Variants in ARHGAP24 observed in about 807,000 individuals in gnomAD.
ARHGAP24 encodes the protein Rho GTPase activating protein 24, also known as rho GTPase-activating protein 24.
In ARHGAP24, 50 loss-of-function variants were observed where a neutral mutation model predicts 76.4. The observed-to-expected ratio is 0.65, with a 90% CI of 0.52 to 0.83. ARHGAP24 has a LOEUF of 0.83. Ranked by LOEUF, ARHGAP24 falls within the 40% of genes least tolerant of loss-of-function variation. The pLI is 0.00. For synonymous variants in ARHGAP24, 345 were observed against 323.3 expected, an observed-to-expected ratio of 1.07 and a Z score of -0.72; for missense variants, 930 against 914.2, an observed-to-expected ratio of 1.02 and a Z score of -0.22.
chr4:85,605,523 A>G (rs1407354738), intron 2 of ARHGAP24, among the ~76,000 whole-genome samples: 1 of 152,180 alleles, frequency 6.6e-6, no homozygotes, highest in Non-Finnish European at 1.5e-5. Context: ...GGAATGATTA[A>G]ATAGATTATC....
intron 8 of ARHGAP24, chr4:85,991,871 A>G (rs1740350244): frequency 3.0e-6 from 1 of 335,580 alleles, no homozygotes; most frequent in South Asian, 1.5e-4. Context: ...ACAAATTGAA[A>G]CTATATTGCA....
At chr4:85,683,227 A>G (rs1427514730) in intron 2 of ARHGAP24, among the ~76,000 whole-genome samples, 6 of 151,788 alleles carry the variant, frequency 4.0e-5, no homozygotes, top group Non-Finnish European at 7.4e-5. Context: ...TTTGTTGAGG[A>G]GCATGGTAGG....
intron 1 of ARHGAP24, among the ~76,000 whole-genome samples, chr4:85,511,828 G>A (rs768582200): frequency 7.9e-5 from 12 of 152,270 alleles, no homozygotes; most frequent in Middle Eastern, 3.4e-3. Flanking sequence ...GGAGGGCCAC[G>A]CTCCCTCTGA....
intron 8 of ARHGAP24, chr4:85,991,731 T>A (rs1054126755): frequency 1.3e-5 from 2 of 157,188 alleles, no homozygotes; most frequent in African/African-American, 4.8e-5. Flanking sequence ...GGCATAAGTG[T>A]CACTTTTCTA....
At chr4:85,509,167 G>A (rs1172318918) in intron 1 of ARHGAP24, among the ~76,000 whole-genome samples, 1 of 142,566 alleles carries the variant, frequency 7.0e-6, no homozygotes, top group Non-Finnish European at 1.5e-5. Context: ...AACACAGGAA[G>A]GGGAACATCA....
chr4:85,556,614 T>G (rs1726382208), intron 1 of ARHGAP24, among the ~76,000 whole-genome samples: 1 of 152,124 alleles, frequency 6.6e-6, no homozygotes. Flanking sequence ...ACTAAAGTGT[T>G]CAGGTGGGGG....
intron 3 of ARHGAP24, among the ~76,000 whole-genome samples, chr4:85,780,179 G>T (rs3028238): frequency 0.75 from 104,890 of 139,640 alleles, 37,154 homozygotes; most frequent in East Asian, 0.97. Context: ...TTATTTTTTA[G>T]TTTTATTTTT....
intron 3 of ARHGAP24, among the ~76,000 whole-genome samples, chr4:85,750,804 A>G (rs146679091): frequency 2.0e-4 from 31 of 152,092 alleles, no homozygotes; most frequent in African/African-American, 7.2e-4. Context: ...GGCACCATTC[A>G]TTCCTTTCTA....
chr4:85,962,212 A>G (rs1245843487), intron 5 of ARHGAP24, among the ~76,000 whole-genome samples: 1 of 152,104 alleles, frequency 6.6e-6, no homozygotes, highest in Non-Finnish European at 1.5e-5. Context: ...AGACATGAAA[A>G]TTGGAACAGC....
At chr4:85,520,949 T>A (rs560799690) in intron 1 of ARHGAP24, among the ~76,000 whole-genome samples, 45 of 152,242 alleles carry the variant, frequency 3.0e-4, no homozygotes, top group Non-Finnish European at 4.3e-4. Context: ...CAGAGGGGGA[T>A]GTGAGAGCAG....
At chr4:85,678,394 G>A (rs1410012227) in intron 2 of ARHGAP24, among the ~76,000 whole-genome samples, 1 of 151,996 alleles carries the variant, frequency 6.6e-6, no homozygotes. Context: ...AAGCAAAAGG[G>A]CTATTTTCTT....
At chr4:85,927,983 C>G (rs769328141) in intron 4 of ARHGAP24, among the ~76,000 whole-genome samples, 7 of 152,060 alleles carry the variant, frequency 4.6e-5, no homozygotes, top group Non-Finnish European at 1.0e-4. Context: ...AATGATAGGC[C>G]TTTCCTTCAA....
intron 5 of ARHGAP24, among the ~76,000 whole-genome samples, chr4:85,946,080 A>C (rs961261988): frequency 4.6e-5 from 7 of 152,076 alleles, no homozygotes; most frequent in African/African-American, 1.7e-4. Context: ...ATGCAGGGAA[A>C]ACTCTTGCTT....
At chr4:85,627,919 A>G (rs1364309030) in intron 2 of ARHGAP24, among the ~76,000 whole-genome samples, 2 of 152,014 alleles carry the variant, frequency 1.3e-5, no homozygotes, top group Non-Finnish European at 2.9e-5. Context: ...TTTTAAGCCC[A>G]TTGGAAAAGC....
At chr4:85,818,259 G>A (rs1729326615) in intron 3 of ARHGAP24, among the ~76,000 whole-genome samples, 1 of 152,144 alleles carries the variant, frequency 6.6e-6, no homozygotes, top group Non-Finnish European at 1.5e-5. Flanking sequence ...TAGACCAGAG[G>A]TTCTCAAGGA....
At chr4:85,654,768 T>G (rs1464071412) in intron 2 of ARHGAP24, among the ~76,000 whole-genome samples, 1 of 152,218 alleles carries the variant, frequency 6.6e-6, no homozygotes, top group Non-Finnish European at 1.5e-5. Flanking sequence ...TACTAACATT[T>G]TTACAAGTGA....
At chr4:85,490,857 A>G (rs576469741) in intron 1 of ARHGAP24, among the ~76,000 whole-genome samples, 1 of 152,320 alleles carries the variant, frequency 6.6e-6, no homozygotes, top group African/African-American at 2.4e-5. Flanking sequence ...ATAATTGTAG[A>G]ATTTATTAAT....
chr4:85,876,935 A>G lies in ARHGAP24; in HGVS notation c.269-46713A>G, dbSNP rs547549391. On this transcript the variant is annotated intron_variant, in intron 3 of 9. Transcript: ENST00000395184. ...TGTACCATTATTCACTGGACTTTCC[A>G]TTTTATTTATAAAAAAAACAGACTG... 5.1e-3 allele frequency among the ~76,000 whole-genome samples: 60 copies of G among 11,876 alleles called. 1 individual carries two copies. The highest frequency in any genetic ancestry group is 0.018 in the African/African-American group (57 of 3,248). The allele number at this position is 11,876 out of a possible 152,430, so 7.8% of individuals were successfully genotyped here.
At chr4:85,484,022 G>A (rs757590145) in intron 1 of ARHGAP24, among the ~76,000 whole-genome samples, 3 of 152,222 alleles carry the variant, frequency 2.0e-5, no homozygotes, top group Non-Finnish European at 4.4e-5. Context: ...AGTACACATT[G>A]ATATTGTATT....
Sources: gnomAD v4.1 joint callset for allele counts (sites outside exome capture counted in the v4.1 genomes callset) on GRCh38, gnomAD v4.1.1 for gene constraint, MANE v1.5 for transcripts, NCBI Gene and HGNC (gene_info 2026-07-23, HGNC 2026-07-21) for gene names.